Variants in NEO1 observed in about 807,000 individuals in gnomAD.
NEO1 encodes the protein neogenin 1.
Under a neutral mutation model 159.7 loss-of-function variants are expected in NEO1, and 63 were observed. That is an observed-to-expected ratio of 0.39 (90% CI 0.32 to 0.49). NEO1 has a LOEUF of 0.49. Ranked by LOEUF, NEO1 falls within the 20% of genes least tolerant of loss-of-function variation. The probability of loss-of-function intolerance (pLI) is 0.85; values close to 1 mark genes in which losing one functional copy is unlikely to be tolerated. For synonymous variants in NEO1, 633 were observed against 662.0 expected (o/e 0.96, Z 0.67); for missense variants, 1,615 against 1,831.0 (o/e 0.88, Z 2.15).
chr15:73,112,061 A>G (rs2071027314), intron 1 of NEO1, among the ~76,000 whole-genome samples: 1 of 152,174 alleles, frequency 6.6e-6, no homozygotes, highest in African/African-American at 2.4e-5. Context: ...AGTAACCAGT[A>G]GTAACAACCT....
chr15:73,077,704 AGG>A (rs1404069161), intron 1 of NEO1, among the ~76,000 whole-genome samples: 8 of 152,256 alleles, frequency 5.3e-5, no homozygotes, highest in African/African-American at 1.9e-4. Flanking sequence ...GCACTGTGCT[AGG>A]TAACGGGAGA....
At chr15:73,116,336 A>T (rs1044299517) in intron 1 of NEO1, among the ~76,000 whole-genome samples, 1 of 152,004 alleles carries the variant, frequency 6.6e-6, no homozygotes, top group African/African-American at 2.4e-5. Flanking sequence ...TTTTTCCCCT[A>T]ATGTTCTTCT....
intron 1 of NEO1, among the ~76,000 whole-genome samples, chr15:73,062,213 G>C (rs898935070): frequency 2.0e-5 from 3 of 151,864 alleles, no homozygotes; most frequent in African/African-American, 7.3e-5. Flanking sequence ...TTGCCAATTT[G>C]ATAGAAGAAA....
At chr15:73,263,596 G>T (rs957089989) in intron 15 of NEO1, among the ~76,000 whole-genome samples, 2 of 151,954 alleles carry the variant, frequency 1.3e-5, no homozygotes, top group East Asian at 3.9e-4. Flanking sequence ...TTGGATTATC[G>T]TTATAGATCT....
chr15:73,233,034 TG>T (rs2150834745), intron 7 of NEO1, among the ~76,000 whole-genome samples: 1 of 152,316 alleles, frequency 6.6e-6, no homozygotes, highest in South Asian at 2.1e-4. Context: ...ATAGTTGCTT[TG>T]GGGGAAGAGG....
intron 7 of NEO1, among the ~76,000 whole-genome samples, chr15:73,208,674 C>T (rs2037375009): frequency 6.6e-6 from 1 of 151,958 alleles, no homozygotes. Flanking sequence ...CCAACCTGGG[C>T]AATATGGTGA....
intron 5 of NEO1, among the ~76,000 whole-genome samples, chr15:73,142,037 A>G (rs2032437632): frequency 6.6e-6 from 1 of 151,750 alleles, no homozygotes. Flanking sequence ...TAATTAATTT[A>G]CCTATGTCTT....
At chr15:73,236,603 T>C in intron 8 of NEO1, 97 bp downstream of exon 8, 1 of 1,043,010 alleles carries the variant, frequency 9.6e-7, no homozygotes, top group African/African-American at 1.6e-5. Context: ...CAATTTTTAG[T>C]CCAGAAAATA....
intron 7 of NEO1, among the ~76,000 whole-genome samples, chr15:73,199,244 A>G (rs2036715631): frequency 6.6e-6 from 1 of 151,528 alleles, no homozygotes; most frequent in Admixed American, 6.6e-5. Context: ...GACCACAGAG[A>G]TAAAATACTG....
intron 3 of NEO1, among the ~76,000 whole-genome samples, chr15:73,126,155 TTAAAA>T (rs2030200869): frequency 6.6e-6 from 1 of 152,210 alleles, no homozygotes; most frequent in Non-Finnish European, 1.5e-5. Flanking sequence ...TCACTTTTGC[TTAAAA>T]TATTTTGTCA....
intron 1 of NEO1, among the ~76,000 whole-genome samples, chr15:73,061,981 T>C (rs758721550): frequency 6.6e-6 from 1 of 152,212 alleles, no homozygotes; most frequent in African/African-American, 2.4e-5. Flanking sequence ...AATGATGCAG[T>C]GAACCCACGT....
intron 9 of NEO1, among the ~76,000 whole-genome samples, 173 bp downstream of exon 9, chr15:73,244,671 C>G (rs1467208525): frequency 6.6e-6 from 1 of 151,962 alleles, no homozygotes; most frequent in Non-Finnish European, 1.5e-5. Flanking sequence ...GCAAGTAGGG[C>G]TGGGTGTAGT....
intron 1 of NEO1, among the ~76,000 whole-genome samples, chr15:73,109,309 CATCTT>C (rs1197543803): frequency 1.3e-5 from 2 of 152,124 alleles, no homozygotes; most frequent in African/African-American, 2.4e-5. Context: ...AATTCTCTCT[CATCTT>C]CACAGAAATT....
intron 14 of NEO1, among the ~76,000 whole-genome samples, chr15:73,259,355 A>C (rs1185597994): frequency 7.2e-6 from 1 of 138,920 alleles, no homozygotes; most frequent in Non-Finnish European, 1.5e-5. Context: ...TCTTGTTCTG[A>C]GTCTCATTTT....
At chr15:73,291,908 C>A (rs1373289260) in intron 25 of NEO1, among the ~76,000 whole-genome samples, 2 of 152,128 alleles carry the variant, frequency 1.3e-5, no homozygotes, top group Non-Finnish European at 2.9e-5. Flanking sequence ...TCCCCCTACC[C>A]CAGCCTGAAT....
At chr15:73,253,994 G>A (rs1402007228) in intron 12 of NEO1, among the ~76,000 whole-genome samples, 4 of 152,140 alleles carry the variant, frequency 2.6e-5, no homozygotes, top group African/African-American at 9.7e-5. Flanking sequence ...AGCCCTTCTG[G>A]ACTACGCAGA....
At chr15:73,259,147 T>C (rs1490139078) in intron 14 of NEO1, 8 of 282,490 alleles carry the variant, frequency 2.8e-5, no homozygotes, top group Non-Finnish European at 5.4e-5. Context: ...GGCCATTAAG[T>C]AGATGGATGA....
chr15:73,266,991 G>T (rs1245747865), intron 16 of NEO1, among the ~76,000 whole-genome samples: 1 of 152,170 alleles, frequency 6.6e-6, no homozygotes, highest in African/African-American at 2.4e-5. Flanking sequence ...GGGTGCAGTG[G>T]TTCATGCCTG....
chr15:73,113,550 G>A (rs2071123608), intron 1 of NEO1, among the ~76,000 whole-genome samples: 1 of 152,124 alleles, frequency 6.6e-6, no homozygotes, highest in South Asian at 2.1e-4. Flanking sequence ...GACATTATGC[G>A]AACTTCTAGC....
Sources: gnomAD v4.1 joint callset for allele counts (sites outside exome capture counted in the v4.1 genomes callset) on GRCh38, gnomAD v4.1.1 for gene constraint, MANE v1.5 for transcripts, NCBI Gene and HGNC (gene_info 2026-07-23, HGNC 2026-07-21) for gene names.